Variants in VTA1 observed in about 807,000 individuals in gnomAD.
VTA1 encodes the protein vacuolar protein sorting-associated protein VTA1 homolog.
A neutral mutation model predicts 36.9 loss-of-function variants in VTA1; 24 were observed. The ratio of observed to expected loss-of-function variants is 0.65; its 90% CI spans 0.47 to 0.91. VTA1 has a LOEUF of 0.91. Ranked by LOEUF, VTA1 falls within the 40% of genes least tolerant of loss-of-function variation. The pLI is 0.00. For synonymous variants in VTA1, 142 were observed against 130.2 expected, an observed-to-expected ratio of 1.09 and a Z score of -0.62; for missense variants, 393 against 377.2, an observed-to-expected ratio of 1.04 and a Z score of -0.35.
rs1046449595 is a variant in VTA1, at chr6:142,198,566, G to A, written c.648G>A (p.Pro216=). Residue 216 remains proline, a synonymous_variant, in exon 6 of 8, where the codon CCG becomes CCA. Transcript: ENST00000367630. ...ACTATACTGGAATACAGATTCCTCC[G>A]GGTGCACACGCTCCAGCTAATACAC... ...SGNYTGIQIP[P]GAHAPANTPA... 6.8e-6 allele frequency: 11 copies of A among 1,613,620 alleles called. No homozygotes were observed. Among genetic ancestry groups the A allele is most frequent in the African/African-American group, 1.3e-5 (1 of 74,888 alleles).
At position 142,147,309 on chromosome 6, in the gene VTA1, C is replaced by T. The variant is rs137966407; in HGVS notation, c.22C>T (p.Pro8Ser). The T allele has an allele frequency of 3.7e-6, 6 of 1,614,126 alleles. No homozygotes were observed. The highest frequency in any genetic ancestry group is 1.7e-5 in the Admixed American group (1 of 60,026). Reference protein sequence around the residue: MAALAPLPPLPAQFKSIQ... With the variant: MAALAPLSPLPAQFKSIQ... The stretch of plus-strand genomic sequence containing the variant: ...AGAGATGGCCGCGCTTGCACCGCTG[C>T]CCCCGCTCCCCGCACAGTTCAAGAG... The change falls in exon 1 of 8, where the codon CCC (proline) becomes TCC (serine). Residue 8 changes from proline (P) to serine (S), a missense_variant. Transcript: ENST00000367630.
chr6:142,153,023 A>G (rs1276395135), intron 1 of VTA1, among the ~76,000 whole-genome samples: 1 of 152,100 alleles, frequency 6.6e-6, no homozygotes, highest in African/African-American at 2.4e-5. Context: ...TGATCTAGAA[A>G]TTGTTCTTGT....
intron 4 of VTA1, among the ~76,000 whole-genome samples, chr6:142,184,945 C>T (rs562379658): frequency 2.0e-5 from 3 of 152,230 alleles, no homozygotes; most frequent in South Asian, 2.1e-4. Context: ...ATTTATCTTA[C>T]GTATCCAACT....
Position 142,166,316 on chromosome 6 carries a change from A to G in VTA1, c.201A>G (p.Leu67=). 1 of 1,600,726 alleles carries G rather than the reference A, an allele frequency of 6.2e-7. No homozygotes were observed. The highest frequency in any genetic ancestry group is 8.5e-7 in the Non-Finnish European group (1 of 1,170,004). Residue 67 remains leucine, a synonymous_variant, in exon 2 of 8, where the codon TTA becomes TTG. Coordinates refer to ENST00000367630, the MANE Select transcript of VTA1 (RefSeq NM_016485.5). ...TTTTATCAAAGTTAATGGATCAGTT[A>G]GAAGCTGTAAGTTAACCACTGATCA... ...RKFLSKLMDQ[L]EALKKQLGDN...
chr6:142,181,502 G>C (rs1013443870), intron 4 of VTA1, among the ~76,000 whole-genome samples: 1 of 148,422 alleles, frequency 6.7e-6, no homozygotes, highest in African/African-American at 2.5e-5. Flanking sequence ...ACATTTATAT[G>C]TAGAAATAAA....
At chr6:142,162,267 A>G (rs1466858351) in intron 1 of VTA1, among the ~76,000 whole-genome samples, 3 of 152,176 alleles carry the variant, frequency 2.0e-5, no homozygotes, top group Admixed American at 2.0e-4. Flanking sequence ...AGTCTTAGGA[A>G]TCAACCTTAT....
intron 7 of VTA1, among the ~76,000 whole-genome samples, chr6:142,208,312 G>T (rs909375530): frequency 2.0e-5 from 3 of 151,972 alleles, no homozygotes; most frequent in African/African-American, 4.8e-5. Context: ...CTCTTTTGAG[G>T]CTCTCAACAA....
At chr6:142,181,138 C>CTT (rs541820177) in intron 4 of VTA1, among the ~76,000 whole-genome samples, 2 of 106,516 alleles carry the variant, frequency 1.9e-5, no homozygotes, top group Admixed American at 9.7e-5. Context: ...CACAGACACA[C>CTT]TTTTTTTTTT....
In VTA1 at chr6:142,218,107, CT is replaced by C. The variant is rs530865941; in HGVS notation, c.779-382del. ...TTCTTTACATAAAGTTTGTTATTCA[CT>C]TTTTTTTTATTGAAGGTGATACTTA... On this transcript the variant is annotated intron_variant, in intron 7 of 7. Coordinates refer to ENST00000367630, the MANE Select transcript of VTA1 (RefSeq NM_016485.5). Among the ~76,000 whole-genome samples, 261 of 150,976 alleles carry C rather than the reference CT, an allele frequency of 1.7e-3. 6 individuals carry two copies. The South Asian group carries it at 0.051, about 30-fold the overall frequency.
At chr6:142,171,833 A>C (rs1186833510) in intron 4 of VTA1, among the ~76,000 whole-genome samples, 1 of 152,200 alleles carries the variant, frequency 6.6e-6, no homozygotes, top group Non-Finnish European at 1.5e-5. Flanking sequence ...AGTCCCAAAC[A>C]AAACAGAGTA....
At position 142,212,829 on chromosome 6, in the gene VTA1, A is replaced by G. The variant is rs138015700; in HGVS notation, c.779-5669A>G. Among the ~76,000 whole-genome samples the G allele has an allele frequency of 8.1e-3, 1,237 of 152,240 alleles. 12 individuals are homozygous for G. The highest frequency in any genetic ancestry group is 0.017 in the Admixed American group (258 of 15,288). On this transcript the variant is annotated intron_variant, in intron 7 of 7. Coordinates refer to ENST00000367630, the MANE Select transcript of VTA1 (RefSeq NM_016485.5). ...CCATCAGATCTCGTGAGACCTCACT[A>G]TCACAAGAATAACAAGGGGCACATC...
chr6:142,160,566 G>A (rs1052201544), intron 1 of VTA1, among the ~76,000 whole-genome samples: 1 of 151,924 alleles, frequency 6.6e-6, no homozygotes, highest in East Asian at 1.9e-4. Flanking sequence ...CAACTCAAGA[G>A]GACTGTTTTC....
chr6:142,216,550 T>A (rs1776007566), intron 7 of VTA1, among the ~76,000 whole-genome samples: 9 of 152,176 alleles, frequency 5.9e-5, no homozygotes, highest in Admixed American at 5.9e-4. Flanking sequence ...GTTACATAAT[T>A]GGTTATGCAT....
chr6:142,154,276 T>G (rs1431289721), intron 1 of VTA1, among the ~76,000 whole-genome samples: 1 of 152,132 alleles, frequency 6.6e-6, no homozygotes, highest in African/African-American at 2.4e-5. Flanking sequence ...TTGGCTTTTT[T>G]CATTTGGCAT....
At chr6:142,156,001 G>A (rs984614306) in intron 1 of VTA1, among the ~76,000 whole-genome samples, 5 of 152,174 alleles carry the variant, frequency 3.3e-5, no homozygotes, top group Admixed American at 1.3e-4. Context: ...TAAAGAACAG[G>A]TGCTCAAAAA....
At chr6:142,187,981 C>T (rs1415612959) in intron 4 of VTA1, among the ~76,000 whole-genome samples, 1 of 146,210 alleles carries the variant, frequency 6.8e-6, no homozygotes, top group Non-Finnish European at 1.5e-5. Flanking sequence ...AGTCTTGGCT[C>T]ACTGCAACCT....
chr6:142,209,548 G>A (rs927152379), intron 7 of VTA1, among the ~76,000 whole-genome samples: 1 of 149,110 alleles, frequency 6.7e-6, no homozygotes, highest in Non-Finnish European at 1.5e-5. Flanking sequence ...TACACTATGT[G>A]TATATATTAA....
chr6:142,166,321 C>T lies in VTA1; in HGVS notation c.206C>T (p.Ala69Val). Residue 69 changes from alanine (A) to valine (V), a missense_variant and splice_region_variant, in exon 2 of 8, where the codon GCT becomes GTT. Physicochemically the swap from Ala to Val is moderately conservative, Grantham distance 64. Transcript: ENST00000367630. ...FLSKLMDQLE[A>V]LKKQLGDNEA... ...TCAAAGTTAATGGATCAGTTAGAAG[C>T]TGTAAGTTAACCACTGATCATTTAT... The T allele has an allele frequency of 6.3e-7, 1 of 1,597,358 alleles. No homozygotes were observed. Among genetic ancestry groups the T allele is most frequent in the South Asian group, 1.1e-5 (1 of 89,304 alleles).
intron 1 of VTA1, among the ~76,000 whole-genome samples, chr6:142,148,677 C>A (rs368323261): frequency 1.6e-4 from 25 of 152,036 alleles, no homozygotes; most frequent in Admixed American, 1.2e-3. Context: ...CTTATGAAGA[C>A]AAATAGAGCA....
Sources: allele counts gnomAD v4.1 joint callset (sites outside exome capture counted in the v4.1 genomes callset), GRCh38; gene constraint gnomAD v4.1.1; transcripts MANE v1.5; gene names NCBI Gene and HGNC (gene_info 2026-07-23, HGNC 2026-07-21).